The following ST18 variants were observed in gnomAD, a reference collection of about 807,000 sequenced individuals.
ST18 encodes the protein ST18 C2H2C-type zinc finger transcription factor.
In ST18, 50 loss-of-function variants were observed where a neutral mutation model predicts 110.0. That is an observed-to-expected ratio of 0.45 (90% CI 0.36 to 0.58). The LOEUF is 0.58. ST18 is among the 20% of genes least tolerant of loss of function. The pLI is 0.00. For synonymous variants in ST18, 461 were observed against 452.4 expected, an observed-to-expected ratio of 1.02 and a Z score of -0.24; for missense variants, 1,306 against 1,280.1, an observed-to-expected ratio of 1.02 and a Z score of -0.31.
intron 2 of ST18, among the ~76,000 whole-genome samples, chr8:52,350,787 C>A (rs1460017575): frequency 6.6e-6 from 1 of 151,506 alleles, no homozygotes; most frequent in Non-Finnish European, 1.5e-5. Context: ...GTGGCCCAAT[C>A]TTGGCTCACT....
intron 8 of ST18, among the ~76,000 whole-genome samples, chr8:52,185,226 A>T (rs2071564188): frequency 6.6e-6 from 1 of 152,226 alleles, no homozygotes; most frequent in East Asian, 1.9e-4. Context: ...TAAATCTAAC[A>T]GATGTACAAA....
chr8:52,393,308 C>T (rs986267835), intron 2 of ST18, among the ~76,000 whole-genome samples: 1 of 152,166 alleles, frequency 6.6e-6, no homozygotes, highest in African/African-American at 2.4e-5. Flanking sequence ...ACCTGCGGCA[C>T]AGACCCTTTA....
intron 23 of ST18, among the ~76,000 whole-genome samples, chr8:52,123,938 A>C (rs2045991712): frequency 6.6e-6 from 1 of 152,238 alleles, no homozygotes; most frequent in Non-Finnish European, 1.5e-5. Context: ...ATGAGAACTC[A>C]TAAGAAATAT....
At chr8:52,140,483 C>G (rs2054520794) in intron 17 of ST18, among the ~76,000 whole-genome samples, 1 of 151,842 alleles carries the variant, frequency 6.6e-6, no homozygotes, top group Non-Finnish European at 1.5e-5. Flanking sequence ...GAGAACGCAC[C>G]ACTGAACTCC....
At chr8:52,179,704 T>C (rs2134161135) in intron 9 of ST18, among the ~76,000 whole-genome samples, 1 of 152,254 alleles carries the variant, frequency 6.6e-6, no homozygotes, top group African/African-American at 2.4e-5. Context: ...TATATCATCA[T>C]CACTAATGAA....
intron 2 of ST18, among the ~76,000 whole-genome samples, chr8:52,251,442 G>A (rs2094302938): frequency 6.6e-6 from 1 of 152,064 alleles, no homozygotes; most frequent in African/African-American, 2.4e-5. Flanking sequence ...AAAATGAGAA[G>A]TGCATAATTT....
intron 10 of ST18, among the ~76,000 whole-genome samples, chr8:52,167,451 G>A (rs537555080): frequency 6.6e-6 from 1 of 152,362 alleles, no homozygotes. Flanking sequence ...TGGCCCTGCA[G>A]GTCCTTGGGC....
intron 17 of ST18, 146 bp downstream of exon 17, chr8:52,142,784 G>C: frequency 3.3e-6 from 2 of 608,478 alleles, no homozygotes; most frequent in Non-Finnish European, 5.8e-6. Context: ...TCTTAGCTCA[G>C]GTTAGATGCG....
At chr8:52,160,044 C>T (rs1037595025) in intron 14 of ST18, among the ~76,000 whole-genome samples, 24 of 152,028 alleles carry the variant, frequency 1.6e-4, no homozygotes, top group African/African-American at 5.8e-4. Context: ...TCTATAATTA[C>T]AAGAATATGA....
chr8:52,211,519 G>A (rs892551331), intron 8 of ST18, among the ~76,000 whole-genome samples: 2 of 151,772 alleles, frequency 1.3e-5, no homozygotes, highest in African/African-American at 4.8e-5. Context: ...CAATTCTCCT[G>A]CCACAGCCTC....
intron 23 of ST18, among the ~76,000 whole-genome samples, chr8:52,123,197 C>T (rs778882691): frequency 9.9e-5 from 15 of 152,094 alleles, no homozygotes; most frequent in African/African-American, 4.8e-5. Flanking sequence ...TTGATATAGA[C>T]CTTCCATGTT....
intron 6 of ST18, among the ~76,000 whole-genome samples, chr8:52,215,659 T>C (rs1409365544): frequency 5.3e-5 from 8 of 152,258 alleles, no homozygotes. Context: ...TCCATTGTTA[T>C]GAATACTTTA....
At chr8:52,181,595 T>C (rs1396344465) in intron 8 of ST18, among the ~76,000 whole-genome samples, 2 of 152,182 alleles carry the variant, frequency 1.3e-5, no homozygotes, top group Non-Finnish European at 1.5e-5. Context: ...GTGAAGTTTC[T>C]AAATCAAGCA....
chr8:52,275,425 C>T lies in ST18; in HGVS notation c.-464-45348G>A, dbSNP rs1459851596. The stretch of plus-strand genomic sequence containing the variant: ...TTGTTTCAGTTTATCAACTTTGAAG[C>T]GATTTTGTCTCAGGGCATTTGGTGT... On this transcript the variant is annotated intron_variant, in intron 2 of 25. Coordinates refer to ENST00000689386, the MANE Select transcript of ST18 (RefSeq NM_001352837.2). Among the ~76,000 whole-genome samples, 8 of 152,148 alleles carry T rather than the reference C, an allele frequency of 5.3e-5. No individual in the cohort carries two copies. The East Asian group carries it at 5.8e-4, about 11-fold the overall frequency.
At chr8:52,179,447 A>T (rs566507174) in intron 9 of ST18, among the ~76,000 whole-genome samples, 126 of 152,340 alleles carry the variant, frequency 8.3e-4, no homozygotes, top group Non-Finnish European at 1.4e-3. Context: ...AATAATGGGC[A>T]CAGTGATAAC....
At chr8:52,240,122 C>G (rs11997983) in intron 2 of ST18, among the ~76,000 whole-genome samples, 1 of 152,074 alleles carries the variant, frequency 6.6e-6, no homozygotes. Flanking sequence ...TTTCTAATTG[C>G]ATAAATTGTT....
At chr8:52,335,878 A>G (rs963729433) in intron 2 of ST18, among the ~76,000 whole-genome samples, 5 of 151,972 alleles carry the variant, frequency 3.3e-5, no homozygotes, top group African/African-American at 4.8e-5. Flanking sequence ...TCACCCTCCA[A>G]TTACACACTT....
intron 2 of ST18, among the ~76,000 whole-genome samples, chr8:52,256,142 A>G (rs2094521558): frequency 2.6e-5 from 4 of 152,266 alleles, no homozygotes; most frequent in Non-Finnish European, 5.9e-5. Flanking sequence ...TACATGCTTT[A>G]CCAACTGACT....
intron 5 of ST18, among the ~76,000 whole-genome samples, chr8:52,219,375 A>G (rs940673092): frequency 2.6e-5 from 4 of 152,242 alleles, no homozygotes; most frequent in African/African-American, 9.6e-5. Flanking sequence ...GAATTCAGAA[A>G]GTAAACTTAA....
Sources: allele counts gnomAD v4.1 joint callset (sites outside exome capture counted in the v4.1 genomes callset), GRCh38; gene constraint gnomAD v4.1.1; transcripts MANE v1.5; gene names NCBI Gene and HGNC (gene_info 2026-07-23, HGNC 2026-07-21).